The following CSMD1 variants were observed in gnomAD, a reference collection of about 807,000 sequenced individuals.
CSMD1 encodes CUB and sushi domain-containing protein 1.
In CSMD1, 213 loss-of-function variants were observed where a neutral mutation model predicts 417.5. The ratio of observed to expected loss-of-function variants is 0.51; its 90% confidence interval spans 0.46 to 0.57. The LOEUF is 0.57. Among genes scored for constraint, CSMD1 ranks in the 20% least tolerant of loss-of-function variants. CSMD1 has a pLI of 0.00. For synonymous variants in CSMD1, 2,862 were observed against 1,736.8 expected, an observed-to-expected ratio of 1.65 and a Z score of -16.11; for missense variants, 6,923 against 4,529.7, an observed-to-expected ratio of 1.53 and a Z score of -15.17.
intron 12 of CSMD1, among the ~76,000 whole-genome samples, chr8:3,464,244 T>C (rs1816677471): frequency 6.6e-6 from 1 of 152,112 alleles, no homozygotes; most frequent in Non-Finnish European, 1.5e-5. Context: ...CAGAGTCAAC[T>C]CACTTTACTA....
At chr8:3,919,525 T>G (rs1034379137) in intron 5 of CSMD1, among the ~76,000 whole-genome samples, 8 of 152,196 alleles carry the variant, frequency 5.3e-5, no homozygotes, top group African/African-American at 1.9e-4. Flanking sequence ...CATACTGCTT[T>G]TATTACTGAA....
chr8:3,656,356 G>C (rs1397169694), intron 7 of CSMD1, among the ~76,000 whole-genome samples: 1 of 152,094 alleles, frequency 6.6e-6, no homozygotes, highest in Non-Finnish European at 1.5e-5. Flanking sequence ...TTCCAGCGCG[G>C]CTGTTTATTT....
rs535326554 is a variant in CSMD1 at position 4,962,510 on chromosome 8, C to T, written c.85+31822G>A. Among the ~76,000 whole-genome samples the T allele has an allele frequency of 5.3e-5, 8 of 152,274 alleles. No homozygotes were observed. In the East Asian group the frequency reaches 1.5e-3, roughly 29 times the overall value. On this transcript the variant is annotated intron_variant, in intron 1 of 69. Coordinates refer to ENST00000635120, the MANE Select transcript of CSMD1 (RefSeq NM_033225.6). ...CCAGGCATGTCCCATCGTGCCCAGC[C>T]TAAATTCTGTTTTTATCTTATGAAG... is the stretch of plus-strand genomic sequence containing the variant.
At chr8:3,005,645 A>G (rs1357613076) in intron 52 of CSMD1, among the ~76,000 whole-genome samples, 2 of 152,370 alleles carry the variant, frequency 1.3e-5, no homozygotes, top group East Asian at 3.9e-4. Flanking sequence ...GTAATCCAGC[A>G]TATAAACAGA....
At chr8:4,135,319 G>C (rs186187310) in intron 3 of CSMD1, among the ~76,000 whole-genome samples, 4 of 106,288 alleles carry the variant, frequency 3.8e-5, no homozygotes, top group Non-Finnish European at 7.9e-5. Context: ...AAAGGAGGGA[G>C]GAGCGAAGGA....
At chr8:4,403,896 C>A (rs1260871789) in intron 3 of CSMD1, among the ~76,000 whole-genome samples, 1 of 152,122 alleles carries the variant, frequency 6.6e-6, no homozygotes. Context: ...TTCTCACATC[C>A]CCTACCCACA....
intron 7 of CSMD1, among the ~76,000 whole-genome samples, chr8:3,692,304 C>T (rs1361494551): frequency 2.6e-5 from 4 of 152,172 alleles, no homozygotes; most frequent in Non-Finnish European, 5.9e-5. Context: ...CCCCACTGAA[C>T]TTCAAGTTAT....
intron 5 of CSMD1, among the ~76,000 whole-genome samples, chr8:3,925,848 T>C (rs2129146385): frequency 6.6e-6 from 1 of 152,198 alleles, no homozygotes; most frequent in South Asian, 2.1e-4. Flanking sequence ...TGAAAGATAT[T>C]TGGGGACCTT....
At chr8:3,842,807 G>C (rs1018994989) in intron 5 of CSMD1, among the ~76,000 whole-genome samples, 5 of 152,150 alleles carry the variant, frequency 3.3e-5, no homozygotes, top group Admixed American at 2.0e-4. Flanking sequence ...TGGAATGTCA[G>C]TGTTCAAAAA....
At chr8:3,804,659 G>C (rs957154874) in intron 5 of CSMD1, among the ~76,000 whole-genome samples, 1 of 152,052 alleles carries the variant, frequency 6.6e-6, no homozygotes, top group Admixed American at 6.6e-5. Context: ...CAAAATAGAA[G>C]TGAAAGAAAA....
chr8:3,498,187 T>G (rs1040608247), intron 10 of CSMD1, among the ~76,000 whole-genome samples: 2 of 152,196 alleles, frequency 1.3e-5, no homozygotes, highest in Non-Finnish European at 2.9e-5. Context: ...GGGAGCTTCT[T>G]GCTTATATTT....
chr8:3,700,616 G>A (rs1800804790), intron 7 of CSMD1: 1 of 152,220 alleles, frequency 6.6e-6, no homozygotes, highest in African/African-American at 2.4e-5. Flanking sequence ...AGGGTGATCA[G>A]TGACAGCTGC....
At chr8:3,000,903 T>C (rs1184025533) in intron 52 of CSMD1, among the ~76,000 whole-genome samples, 2 of 152,056 alleles carry the variant, frequency 1.3e-5, no homozygotes, top group Non-Finnish European at 2.9e-5. Flanking sequence ...TTGACAAACA[T>C]GGCATTGAAA....
At chr8:4,601,077 C>A (rs1262454802) in intron 2 of CSMD1, among the ~76,000 whole-genome samples, 1 of 152,014 alleles carries the variant, frequency 6.6e-6, no homozygotes, top group East Asian at 1.9e-4. Flanking sequence ...CTGCCTCAGC[C>A]TCCCAAGTAG....
At chr8:4,880,949 G>C (rs1585256027) in intron 1 of CSMD1, among the ~76,000 whole-genome samples, 1 of 151,978 alleles carries the variant, frequency 6.6e-6, no homozygotes, top group East Asian at 1.9e-4. Flanking sequence ...CACCCAGAAT[G>C]GGCCAGGAAT....
chr8:4,051,922 T>TTCTTTTTC (rs1554429055), intron 3 of CSMD1, among the ~76,000 whole-genome samples: 29 of 150,758 alleles, frequency 1.9e-4, no homozygotes, highest in South Asian at 6.3e-4. Flanking sequence ...CTTTCTTTCT[T>TTCTTTTTC]TTTCTTTCTT....
At chr8:3,347,626 T>C (rs1388122524) in intron 22 of CSMD1, among the ~76,000 whole-genome samples, 1 of 152,216 alleles carries the variant, frequency 6.6e-6, no homozygotes, top group African/African-American at 2.4e-5. Flanking sequence ...CTAGACACAA[T>C]GCTAGGAACA....
chr8:4,040,069 A>G (rs1797808621), intron 3 of CSMD1, among the ~76,000 whole-genome samples: 1 of 152,238 alleles, frequency 6.6e-6, no homozygotes, highest in Admixed American at 6.5e-5. Flanking sequence ...TTAGGGAAAT[A>G]ATACAATTTT....
At chr8:3,670,749 G>A (rs1423098820) in intron 7 of CSMD1, among the ~76,000 whole-genome samples, 1 of 150,152 alleles carries the variant, frequency 6.7e-6, no homozygotes, top group South Asian at 2.1e-4. Flanking sequence ...GTATGTATAT[G>A]GGATATATAT....
Sources: gnomAD v4.1 joint callset for allele counts (sites outside exome capture counted in the v4.1 genomes callset) on GRCh38, gnomAD v4.1.1 for gene constraint, MANE v1.5 for transcripts, NCBI Gene and HGNC (gene_info 2026-07-23, HGNC 2026-07-21) for gene names.